The following COL22A1 variants were observed in gnomAD, a reference collection of about 807,000 sequenced individuals.
COL22A1 encodes collagen type XXII alpha 1 chain, also known as collagen alpha-1(XXII) chain.
In COL22A1, 221 loss-of-function variants were observed where a neutral mutation model predicts 248.9. That is an observed-to-expected ratio of 0.89 (90% confidence interval 0.80 to 0.99). COL22A1 has a LOEUF of 0.99. Among genes scored for constraint, COL22A1 ranks in the 50% least tolerant of loss-of-function variants. The pLI is 0.00. For missense variants in COL22A1, 2,240 were observed against 2,179.0 expected (o/e 1.03, Z -0.56); for synonymous variants, 891 against 793.4 (o/e 1.12, Z -2.07).
chr8:138,812,476 C>T (rs888769864), intron 8 of COL22A1, among the ~76,000 whole-genome samples: 12 of 152,282 alleles, frequency 7.9e-5, no homozygotes, highest in Middle Eastern at 3.4e-3. Flanking sequence ...AGGCCTGAAA[C>T]GGGGCAGAGG....
chr8:138,632,750 G>T (rs1385736698), intron 49 of COL22A1, among the ~76,000 whole-genome samples: 1 of 152,086 alleles, frequency 6.6e-6, no homozygotes, highest in Non-Finnish European at 1.5e-5. Context: ...ACTTCTACTA[G>T]GTAGGGACCC....
intron 3 of COL22A1, among the ~76,000 whole-genome samples, chr8:138,873,488 C>G (rs1355199116): frequency 1.3e-5 from 2 of 152,192 alleles, no homozygotes; most frequent in African/African-American, 2.4e-5. Context: ...ATACTAGGCT[C>G]TGTTCTAGGC....
chr8:138,837,684 G>A lies in COL22A1; in HGVS notation c.734-4534C>T, dbSNP rs116723177. Among the ~76,000 whole-genome samples, 1,350 of 152,318 alleles carry A rather than the reference G, an allele frequency of 8.9e-3. 15 individuals carry two copies. The highest frequency in any genetic ancestry group is 0.031 in the African/African-American group (1,294 of 41,568). On this transcript the variant is annotated intron_variant, in intron 4 of 64. Coordinates refer to ENST00000303045, the MANE Select transcript of COL22A1 (RefSeq NM_152888.3). ...GTGTCCTGGGGCCTGAGGAGCCCCA[G>A]CAGTGGGAGGGGCTGGTGCCTCTGA...
intron 30 of COL22A1, among the ~76,000 whole-genome samples, chr8:138,709,526 C>G (rs909438321): frequency 6.6e-6 from 1 of 151,290 alleles, no homozygotes; most frequent in African/African-American, 2.4e-5. Flanking sequence ...TCTTAGCAAA[C>G]TATCGCAAGG....
intron 39 of COL22A1, among the ~76,000 whole-genome samples, 166 bp downstream of exon 39, chr8:138,684,259 G>GA (rs5895552): frequency 2.1e-3 from 268 of 130,728 alleles, no homozygotes; most frequent in East Asian, 0.017. Context: ...GTAAGATTTC[G>GA]AAAAAAAAAA....
At chr8:138,828,897 C>T (rs1214685631) in intron 5 of COL22A1, among the ~76,000 whole-genome samples, 1 of 152,156 alleles carries the variant, frequency 6.6e-6, no homozygotes, top group Non-Finnish European at 1.5e-5. Context: ...GCTGACTGCA[C>T]CTTAACTGCA....
chr8:138,685,370 A>T, intron 37 of COL22A1, 58 bp from the exon 38 acceptor site: 1 of 1,413,834 alleles, frequency 7.1e-7, no homozygotes, highest in Non-Finnish European at 9.9e-7. Context: ...AAGCTTTTCT[A>T]TGGGGGAGCA....
chr8:138,813,156 C>T (rs750178309), intron 7 of COL22A1, 137 bp from the exon 8 acceptor site: 119 of 659,734 alleles, frequency 1.8e-4, no homozygotes, highest in Non-Finnish European at 2.8e-4. Flanking sequence ...CCCCAGGATA[C>T]CCCTATCCTG....
In COL22A1 at chr8:138,820,264, C is replaced by T. The variant is rs555536099; in HGVS notation, c.1245+872G>A. On this transcript the variant is annotated intron_variant, in intron 7 of 64. Coordinates refer to ENST00000303045, the MANE Select transcript of COL22A1 (RefSeq NM_152888.3). ...ATAAAATGGTTTTGGAAAGAGCTTTCCCCACATCATGTTTCCTGTTATTTC... is the reference window on the plus strand; with the variant it reads ...ATAAAATGGTTTTGGAAAGAGCTTTTCCCACATCATGTTTCCTGTTATTTC... Among the ~76,000 whole-genome samples the T allele has an allele frequency of 6.6e-5, 10 of 152,232 alleles. No individual in the cohort carries two copies. The South Asian group carries it at 2.1e-3, about 32-fold the overall frequency.
intron 1 of COL22A1, among the ~76,000 whole-genome samples, chr8:138,891,289 A>G (rs1438232886): frequency 6.6e-6 from 1 of 152,224 alleles, no homozygotes; most frequent in East Asian, 1.9e-4. Context: ...GAAATAGAGT[A>G]ATCACAGCAG....
At chr8:138,745,123 T>C (rs188979254) in intron 22 of COL22A1, among the ~76,000 whole-genome samples, 15 of 152,336 alleles carry the variant, frequency 9.8e-5, no homozygotes, top group African/African-American at 3.4e-4. Context: ...AATGCTTCTA[T>C]AGACATTCCA....
intron 53 of COL22A1, 150 bp from the exon 54 acceptor site, chr8:138,617,108 C>A: frequency 1.3e-6 from 1 of 790,336 alleles, no homozygotes; most frequent in Non-Finnish European, 2.1e-6. Flanking sequence ...GTGCCATGCT[C>A]GGTGCCAGAG....
At chr8:138,830,319 G>A (rs1258458137) in intron 5 of COL22A1, among the ~76,000 whole-genome samples, 1 of 152,106 alleles carries the variant, frequency 6.6e-6, no homozygotes, top group African/African-American at 2.4e-5. Context: ...AATTAGATAA[G>A]GTGCGTCAAT....
intron 1 of COL22A1, among the ~76,000 whole-genome samples, chr8:138,907,818 C>G (rs1363660420): frequency 6.6e-6 from 1 of 152,186 alleles, no homozygotes. Flanking sequence ...CCAAATTCAT[C>G]TTATAACAAC....
chr8:138,727,725 C>T (rs1830426315), intron 23 of COL22A1, among the ~76,000 whole-genome samples: 1 of 152,168 alleles, frequency 6.6e-6, no homozygotes, highest in South Asian at 2.1e-4. Flanking sequence ...CTCGCTCCGT[C>T]CTGGCAAGTC....
chr8:138,662,166 T>C, intron 42 of COL22A1, 83 bp from the exon 43 acceptor site: 1 of 1,129,500 alleles, frequency 8.9e-7, no homozygotes, highest in East Asian at 2.4e-5. Flanking sequence ...TAGTTGGCTC[T>C]CCTTCAACAC....
rs768391702 is a variant in COL22A1, at chr8:138,679,626, T to C, written c.3063A>G (p.Gln1021=). 1 of 1,613,876 alleles carries C rather than the reference T, an allele frequency of 6.2e-7. No individual in the cohort carries two copies. Among genetic ancestry groups the C allele is most frequent in the Non-Finnish European group, 8.5e-7 (1 of 1,179,896 alleles). ...ATAGATCTTCACTGACCTTAACACA[T>C]TGCCCTCCCAGTGCACAGTTTTCTG... ...RGSENCALGG[Q]CVKGDRGAPG... Residue 1021 remains glutamine, a synonymous_variant, in exon 40 of 65, where the codon CAA becomes CAG. Coordinates refer to ENST00000303045, the MANE Select transcript of COL22A1 (RefSeq NM_152888.3).
chr8:138,600,277 G>A (rs1446740226), intron 60 of COL22A1, among the ~76,000 whole-genome samples: 1 of 152,202 alleles, frequency 6.6e-6, no homozygotes, highest in Admixed American at 6.5e-5. Flanking sequence ...TCCATTGCTG[G>A]GATGTAGCTG....
intron 4 of COL22A1, among the ~76,000 whole-genome samples, chr8:138,834,866 T>C (rs1036234479): frequency 3.9e-5 from 6 of 152,328 alleles, no homozygotes; most frequent in Admixed American, 2.0e-4. Context: ...CCAAGCCCTG[T>C]GAGCTCCAGG....
Sources: gnomAD v4.1 joint callset for allele counts (sites outside exome capture counted in the v4.1 genomes callset) on GRCh38, gnomAD v4.1.1 for gene constraint, MANE v1.5 for transcripts, NCBI Gene and HGNC (gene_info 2026-07-23, HGNC 2026-07-21) for gene names.